The following HTR1F variants were observed in gnomAD, a reference collection of about 807,000 sequenced individuals.
The protein encoded by HTR1F is 5-hydroxytryptamine (serotonin) receptor 1F, G protein-coupled.
In HTR1F, 17 loss-of-function variants were observed where a neutral mutation model predicts 24.0. The ratio of observed to expected loss-of-function variants is 0.71; its 90% confidence interval spans 0.48 to 1.06. The LOEUF (loss-of-function observed/expected upper bound fraction) is 1.06. Among genes scored for constraint, HTR1F ranks in the 50% least tolerant of loss-of-function variants. The pLI is 0.00. For missense variants in HTR1F, 391 were observed against 427.8 expected (o/e 0.91, Z 0.76); for synonymous variants, 186 against 156.8 (o/e 1.19, Z -1.39).
chr3:87,839,525 C>G (rs1704755085), intron 2 of HTR1F, among the ~76,000 whole-genome samples: 1 of 151,884 alleles, frequency 6.6e-6, no homozygotes, highest in African/African-American at 2.4e-5. Flanking sequence ...CTCAGGATTG[C>G]TTTGATGATT....
At chr3:87,795,712 G>A (rs1014615139) in intron 1 of HTR1F, among the ~76,000 whole-genome samples, 1 of 152,128 alleles carries the variant, frequency 6.6e-6, no homozygotes, top group African/African-American at 2.4e-5. Context: ...ATTAGACAGA[G>A]AAGAAATACT....
chr3:87,841,923 G>GAAAAAA (rs370439117), intron 2 of HTR1F, among the ~76,000 whole-genome samples: 1 of 114,978 alleles, frequency 8.7e-6, no homozygotes, highest in South Asian at 3.0e-4. Flanking sequence ...AAAAGAAAAA[G>GAAAAAA]AAAAAAAAAA....
chr3:87,852,132 A>G (rs980579058), intron 2 of HTR1F, among the ~76,000 whole-genome samples: 3 of 151,574 alleles, frequency 2.0e-5, no homozygotes, highest in African/African-American at 7.3e-5. Context: ...ATTTCATTAT[A>G]TTTTTATGTT....
chr3:87,983,326 T>G (rs1261513155), intron 2 of HTR1F, among the ~76,000 whole-genome samples: 1 of 152,212 alleles, frequency 6.6e-6, no homozygotes, highest in Non-Finnish European at 1.5e-5. Flanking sequence ...AAGGTTCCAT[T>G]GACTGAAGTG....
intron 2 of HTR1F, among the ~76,000 whole-genome samples, chr3:87,879,750 C>G (rs1283950540): frequency 6.6e-6 from 1 of 151,834 alleles, no homozygotes; most frequent in South Asian, 2.1e-4. Context: ...TGGAGTTAAC[C>G]AACACATTAA....
intron 1 of HTR1F, among the ~76,000 whole-genome samples, chr3:87,814,276 T>C (rs1356939241): frequency 6.6e-6 from 1 of 152,190 alleles, no homozygotes; most frequent in Non-Finnish European, 1.5e-5. Flanking sequence ...TTATTTTTAA[T>C]GGACAAAAAT....
At chr3:87,806,054 G>A (rs1052056416) in intron 1 of HTR1F, among the ~76,000 whole-genome samples, 3 of 151,790 alleles carry the variant, frequency 2.0e-5, no homozygotes, top group African/African-American at 7.3e-5. Context: ...CATAATGACC[G>A]CCAGTTCCAT....
chr3:87,858,693 T>C (rs931255918), intron 2 of HTR1F, among the ~76,000 whole-genome samples: 2 of 152,126 alleles, frequency 1.3e-5, no homozygotes, highest in African/African-American at 4.8e-5. Context: ...GAATCTTTTG[T>C]GTAACCTTCT....
At chr3:87,813,584 A>G (rs1332198214) in intron 1 of HTR1F, among the ~76,000 whole-genome samples, 1 of 152,206 alleles carries the variant, frequency 6.6e-6, no homozygotes, top group African/African-American at 2.4e-5. Context: ...GTGAAAAGAC[A>G]TGAGATTTGG....
intron 2 of HTR1F, among the ~76,000 whole-genome samples, chr3:87,985,121 T>C (rs11717021): frequency 0.6 from 90,803 of 151,944 alleles, 27,383 homozygotes; most frequent in South Asian, 0.73. Flanking sequence ...AGATCACCTC[T>C]GGTTGGGAGT....
At chr3:87,963,136 A>G (rs1705096491) in intron 2 of HTR1F, among the ~76,000 whole-genome samples, 3 of 152,112 alleles carry the variant, frequency 2.0e-5, no homozygotes, top group Admixed American at 2.0e-4. Flanking sequence ...TGACATTTTT[A>G]ACCTTCTGGT....
chr3:87,944,110 C>G (rs1383110988), intron 2 of HTR1F, among the ~76,000 whole-genome samples: 7 of 152,130 alleles, frequency 4.6e-5, no homozygotes, highest in Non-Finnish European at 7.3e-5. Flanking sequence ...TGTTTTTCCA[C>G]CTTCCTTGAC....
chr3:87,946,442 A>G (rs1704707139), intron 2 of HTR1F, among the ~76,000 whole-genome samples: 1 of 152,226 alleles, frequency 6.6e-6, no homozygotes, highest in East Asian at 1.9e-4. Context: ...CAAAGAACAT[A>G]ACATTTTCTA....
Position 87,990,726 on chromosome 3 carries a change from T to C in HTR1F, c.-24T>C, listed in dbSNP as rs1354915692. On this transcript the variant is annotated 5_prime_UTR_variant, in exon 3 of 3. Coordinates refer to ENST00000319595, the MANE Select transcript of HTR1F (RefSeq NM_001322209.2). ...GTTACAGGTATCCATTTTTCAGCTA[T>C]ATTAATCTTTTAAAACAAAGAAAAT... 1.3e-6 allele frequency: 2 copies of C among 1,577,980 alleles called. No homozygotes were observed. Among genetic ancestry groups the C allele is most frequent in the Admixed American group, 1.7e-5 (1 of 58,988 alleles).
At chr3:87,796,322 A>G (rs1227085430) in intron 1 of HTR1F, among the ~76,000 whole-genome samples, 2 of 152,132 alleles carry the variant, frequency 1.3e-5, no homozygotes, top group Non-Finnish European at 1.5e-5. Context: ...TCACCAACTG[A>G]TATGAGAAGA....
intron 2 of HTR1F, among the ~76,000 whole-genome samples, chr3:87,972,039 C>A (rs540454278): frequency 6.6e-6 from 1 of 152,234 alleles, no homozygotes; most frequent in Admixed American, 6.5e-5. Flanking sequence ...CTTTTCCTCA[C>A]CCTCAATTAA....
chr3:87,961,006 A>C (rs920887100), intron 2 of HTR1F, among the ~76,000 whole-genome samples: 5 of 151,640 alleles, frequency 3.3e-5, no homozygotes, highest in African/African-American at 1.2e-4. Context: ...TGGTGCACAC[A>C]CACACACACA....
intron 2 of HTR1F, among the ~76,000 whole-genome samples, chr3:87,914,208 GT>G (rs1296404935): frequency 1.3e-5 from 2 of 152,082 alleles, no homozygotes; most frequent in Non-Finnish European, 2.9e-5. Flanking sequence ...AGCTCACTGG[GT>G]CCCCTACCAA....
intron 2 of HTR1F, among the ~76,000 whole-genome samples, chr3:87,962,469 CA>C (rs1270260010): frequency 6.6e-6 from 1 of 151,970 alleles, no homozygotes; most frequent in Non-Finnish European, 1.5e-5. Flanking sequence ...ACAGAGACGA[CA>C]TGAACTTCAT....
Sources: gnomAD v4.1 joint callset for allele counts (sites outside exome capture counted in the v4.1 genomes callset) on GRCh38, gnomAD v4.1.1 for gene constraint, MANE v1.5 for transcripts, NCBI Gene and HGNC (gene_info 2026-07-23, HGNC 2026-07-21) for gene names.